LRP1B: variants seen among roughly 807,000 people sequenced by gnomAD.
LRP1B encodes LDL receptor related protein 1B.
LRP1B carries 217 observed loss-of-function variants against 556.6 expected under a neutral mutation model. The ratio of observed to expected loss-of-function variants is 0.39; its 90% CI spans 0.35 to 0.44. LRP1B has a LOEUF of 0.44. LRP1B is among the 20% of genes least tolerant of loss of function. The pLI is 1.00. For missense variants in LRP1B, 5,053 were observed against 5,620.8 expected (o/e 0.90, Z 3.23); for synonymous variants, 2,047 against 1,865.8 (o/e 1.10, Z -2.50).
chr2:141,153,338 A>C (rs1416355228), intron 7 of LRP1B, among the ~76,000 whole-genome samples: 2 of 115,770 alleles, frequency 1.7e-5, no homozygotes, highest in African/African-American at 6.3e-5. Flanking sequence ...TTATATAATA[A>C]TATATTATAT....
intron 21 of LRP1B, among the ~76,000 whole-genome samples, chr2:140,922,078 A>G (rs1694751241): frequency 6.6e-6 from 1 of 152,038 alleles, no homozygotes; most frequent in South Asian, 2.1e-4. Context: ...GATTATTGGG[A>G]GGATGATACC....
At chr2:141,078,238 G>A (rs1158606524) in intron 7 of LRP1B, among the ~76,000 whole-genome samples, 3 of 151,984 alleles carry the variant, frequency 2.0e-5, no homozygotes, top group East Asian at 3.9e-4. Context: ...GTCTAACATT[G>A]GCATTATTTG....
At chr2:141,300,588 C>T (rs937361361) in intron 3 of LRP1B, among the ~76,000 whole-genome samples, 4 of 152,168 alleles carry the variant, frequency 2.6e-5, no homozygotes, top group African/African-American at 9.7e-5. Flanking sequence ...GGTGGTTTCT[C>T]ATGGTTTAAC....
intron 86 of LRP1B, among the ~76,000 whole-genome samples, chr2:140,249,585 A>C (rs1681315229): frequency 6.6e-6 from 1 of 151,792 alleles, no homozygotes. Context: ...ACAGTTATAC[A>C]TCTTAATGTG....
chr2:141,383,010 T>A (rs2104890336), intron 3 of LRP1B, among the ~76,000 whole-genome samples: 1 of 152,256 alleles, frequency 6.6e-6, no homozygotes, highest in East Asian at 1.9e-4. Context: ...AATACAGTAG[T>A]AACTCATAAA....
chr2:141,677,100 G>C (rs961734666), intron 2 of LRP1B, among the ~76,000 whole-genome samples: 4 of 152,104 alleles, frequency 2.6e-5, no homozygotes, highest in African/African-American at 9.7e-5. Flanking sequence ...TTTAGTCCCG[G>C]CTGGAAGAGA....
chr2:141,339,762 T>G (rs1687986167), intron 3 of LRP1B, among the ~76,000 whole-genome samples: 1 of 91,800 alleles, frequency 1.1e-5, no homozygotes, highest in African/African-American at 5.1e-5. Context: ...TTATTTATTT[T>G]TCTCTTTTAT....
chr2:141,459,266 T>C (rs917075924), intron 3 of LRP1B, among the ~76,000 whole-genome samples: 1 of 152,154 alleles, frequency 6.6e-6, no homozygotes, highest in Non-Finnish European at 1.5e-5. Flanking sequence ...TGTGTGACCT[T>C]TACAAGGTCA....
chr2:140,774,950 C>G (rs1415795761), intron 33 of LRP1B, among the ~76,000 whole-genome samples: 2 of 152,196 alleles, frequency 1.3e-5, no homozygotes, highest in East Asian at 3.9e-4. Flanking sequence ...TATACATTCT[C>G]TTGGGTGCAC....
At chr2:141,037,696 G>A (rs1396272104) in intron 11 of LRP1B, among the ~76,000 whole-genome samples, 1 of 151,890 alleles carries the variant, frequency 6.6e-6, no homozygotes, top group Non-Finnish European at 1.5e-5. Context: ...TTGATCTAGT[G>A]CAACAAGGTT....
At chr2:141,377,524 A>T (rs984784561) in intron 3 of LRP1B, among the ~76,000 whole-genome samples, 1 of 152,094 alleles carries the variant, frequency 6.6e-6, no homozygotes. Context: ...TTTTTTAGTT[A>T]TCCTCAGATC....
intron 1 of LRP1B, among the ~76,000 whole-genome samples, chr2:142,035,762 G>A (rs1313434713): frequency 1.3e-5 from 2 of 151,604 alleles, no homozygotes; most frequent in Admixed American, 6.6e-5. Context: ...CCAGATAACA[G>A]AATGTTACAC....
At chr2:140,748,232 T>C (rs1330281814) in intron 35 of LRP1B, among the ~76,000 whole-genome samples, 1 of 136,368 alleles carries the variant, frequency 7.3e-6, no homozygotes, top group Admixed American at 7.9e-5. Flanking sequence ...AAGTCAAATA[T>C]CCATAAATAT....
intron 1 of LRP1B, among the ~76,000 whole-genome samples, chr2:141,896,596 A>G (rs766759548): frequency 4.6e-5 from 7 of 152,174 alleles, no homozygotes; most frequent in Non-Finnish European, 7.3e-5. Flanking sequence ...TGATAAGTCC[A>G]CATCGATTAA....
intron 2 of LRP1B, among the ~76,000 whole-genome samples, chr2:141,508,659 T>A (rs2105146798): frequency 6.6e-6 from 1 of 151,754 alleles, no homozygotes; most frequent in African/African-American, 2.4e-5. Flanking sequence ...GTTTTTTTTT[T>A]TTAAAGAACA....
At chr2:141,899,228 G>A (rs1238076613) in intron 1 of LRP1B, among the ~76,000 whole-genome samples, 4 of 152,080 alleles carry the variant, frequency 2.6e-5, no homozygotes, top group African/African-American at 4.8e-5. Flanking sequence ...CTGCTTGTAC[G>A]CTGATGGAAT....
At position 140,751,972 on chromosome 2, in the gene LRP1B, A is replaced by T. The variant is rs1688594840; in HGVS notation, c.5758+17241T>A. ...ACAGGTGGAGAGCTTTATTATAGAC[A>T]GCATTTTTTTTAGTCTGAATGGAAG... On this transcript the variant is annotated intron_variant, in intron 35 of 90. Coordinates refer to ENST00000389484, the MANE Select transcript of LRP1B (RefSeq NM_018557.3). 2.0e-5 allele frequency among the ~76,000 whole-genome samples: 3 copies of T among 152,182 alleles called. No homozygotes were observed. The South Asian group carries it at 6.2e-4, about 31-fold the overall frequency.
At chr2:141,634,097 C>T (rs750257016) in intron 2 of LRP1B, among the ~76,000 whole-genome samples, 1 of 151,642 alleles carries the variant, frequency 6.6e-6, no homozygotes, top group African/African-American at 2.4e-5. Flanking sequence ...ACAAAAAAGC[C>T]CATTGGGAAA....
chr2:140,351,773 C>A (rs1008158641), intron 76 of LRP1B, among the ~76,000 whole-genome samples: 2 of 152,048 alleles, frequency 1.3e-5, no homozygotes, highest in Non-Finnish European at 2.9e-5. Flanking sequence ...AATAATAATA[C>A]CTCATGAGGT....
Sources: allele counts gnomAD v4.1 joint callset (sites outside exome capture counted in the v4.1 genomes callset), GRCh38; gene constraint gnomAD v4.1.1; transcripts MANE v1.5; gene names NCBI Gene and HGNC (gene_info 2026-07-23, HGNC 2026-07-21).